CWF19L2: variants seen among roughly 807,000 people sequenced by gnomAD.
CWF19L2 encodes CWF19 like cell cycle control factor 2, also known as CWF19-like protein 2.
CWF19L2 carries 98 observed loss-of-function variants against 111.7 expected under a neutral mutation model. The observed-to-expected ratio is 0.88, with a 90% confidence interval of 0.75 to 1.04. The LOEUF is 1.04. CWF19L2 is among the 50% of genes least tolerant of loss of function. The pLI is 0.00. For missense variants in CWF19L2, 1,101 were observed against 1,051.4 expected, an observed-to-expected ratio of 1.05 and a Z score of -0.65; for synonymous variants, 351 against 342.9, an observed-to-expected ratio of 1.02 and a Z score of -0.26.
chr11:107,335,425 A>G (rs1257930375), intron 15 of CWF19L2, among the ~76,000 whole-genome samples: 1 of 152,230 alleles, frequency 6.6e-6, no homozygotes, highest in East Asian at 1.9e-4. Flanking sequence ...AAATACAGGA[A>G]AAAAAATGTG....
chr11:107,399,309 T>G (rs1194568297), intron 10 of CWF19L2, among the ~76,000 whole-genome samples: 3 of 152,122 alleles, frequency 2.0e-5, no homozygotes, highest in African/African-American at 7.2e-5. Flanking sequence ...CAACCAACTA[T>G]GTGCCACCTT....
intron 10 of CWF19L2, among the ~76,000 whole-genome samples, chr11:107,415,906 T>C (rs1861218268): frequency 6.6e-6 from 1 of 152,044 alleles, no homozygotes; most frequent in Admixed American, 6.6e-5. Context: ...GAGACCAGCC[T>C]GGCCAACATG....
intron 12 of CWF19L2, among the ~76,000 whole-genome samples, chr11:107,383,584 C>G: frequency 6.6e-6 from 1 of 151,986 alleles, no homozygotes; most frequent in Admixed American, 6.5e-5. Flanking sequence ...CATAATTCCC[C>G]TATACAAACA....
intron 6 of CWF19L2, among the ~76,000 whole-genome samples, chr11:107,435,768 C>T (rs1265507128): frequency 6.6e-6 from 1 of 151,902 alleles, no homozygotes; most frequent in East Asian, 1.9e-4. Flanking sequence ...ATAAAAAATA[C>T]CAACTTGCAG....
intron 12 of CWF19L2, among the ~76,000 whole-genome samples, chr11:107,363,480 G>A (rs1860390756): frequency 6.6e-6 from 1 of 151,284 alleles, no homozygotes; most frequent in South Asian, 2.1e-4. Context: ...TCTCTAGGCA[G>A]AAACTCTACA....
At chr11:107,446,805 T>G (rs1167174882) in intron 3 of CWF19L2, among the ~76,000 whole-genome samples, 1 of 152,220 alleles carries the variant, frequency 6.6e-6, no homozygotes, top group East Asian at 1.9e-4. Flanking sequence ...TTCACAATTA[T>G]GCACTCACTC....
In CWF19L2 at chr11:107,433,627, T is replaced by C; in HGVS notation, c.780+7A>G. On this transcript the variant is annotated splice_region_variant and intron_variant, in intron 7 of 17. Coordinates refer to ENST00000282251, the MANE Select transcript of CWF19L2 (RefSeq NM_152434.3). ...ATAAGAGGCATCTCCTTAAAACAGA[T>C]ACTCACCCCATATCTTTCGGCTACA... The C allele has an allele frequency of 2.1e-6, 3 of 1,419,372 alleles. No individual in the cohort carries two copies. In the East Asian group the frequency reaches 7.7e-5, roughly 37 times the overall value. The allele number at this position is 1,419,372 out of a possible 1,614,324, so 87.9% of individuals were successfully genotyped here. A position where few individuals can be genotyped will look rare whatever the true frequency, so the allele number is the denominator to read the frequency against.
At position 107,376,103 on chromosome 11, in the gene CWF19L2, G is replaced by C. The variant is rs1860595304; in HGVS notation, c.1872+13971C>G. 1.5e-5 allele frequency among the ~76,000 whole-genome samples: 2 copies of C among 129,034 alleles called. 1 individual carries two copies. The highest frequency in any genetic ancestry group is 6.5e-5 in the African/African-American group (2 of 30,640). 84.7% of individuals were successfully genotyped at this position (129,034 alleles called of 152,430 possible). The stretch of plus-strand genomic sequence containing the variant: ...TCTGAATAGACCAATAACAGGAGCT[G>C]AAATTGTGGCAATAATCAATAGCTT... On this transcript the variant is annotated intron_variant, in intron 12 of 17. Coordinates refer to ENST00000282251, the MANE Select transcript of CWF19L2 (RefSeq NM_152434.3).
At chr11:107,444,402 C>A (rs1451057075) in intron 3 of CWF19L2, among the ~76,000 whole-genome samples, 1 of 152,142 alleles carries the variant, frequency 6.6e-6, no homozygotes, top group Non-Finnish European at 1.5e-5. Flanking sequence ...GTTGATAACT[C>A]ACTTTCCTGG....
intron 12 of CWF19L2, among the ~76,000 whole-genome samples, chr11:107,356,603 C>A (rs147983593): frequency 4.2e-4 from 64 of 152,200 alleles, no homozygotes; most frequent in African/African-American, 1.5e-3. Context: ...TCATCTAAAC[C>A]ATAATTCATT....
chr11:107,365,603 A>G lies in CWF19L2; in HGVS notation c.1873-11867T>C, dbSNP rs200610467. Among the ~76,000 whole-genome samples the G allele has an allele frequency of 6.7e-3, 653 of 97,172 alleles. 6 individuals are homozygous for G. The highest frequency in any genetic ancestry group is 0.025 in the East Asian group (86 of 3,374). The allele number at this position is 97,172 out of a possible 152,430, so 63.7% of individuals were successfully genotyped here. On this transcript the variant is annotated intron_variant, in intron 12 of 17. Transcript: ENST00000282251. Reference sequence around the variant, plus strand: ...TGATTCTCTCAATAGATGCAGAAAAAGCCTTTGACAAAATTCAACAACGCT... The same window carrying G: ...TGATTCTCTCAATAGATGCAGAAAAGGCCTTTGACAAAATTCAACAACGCT...
At chr11:107,420,811 C>A (rs1207820013) in intron 8 of CWF19L2, among the ~76,000 whole-genome samples, 1 of 152,012 alleles carries the variant, frequency 6.6e-6, no homozygotes, top group South Asian at 2.1e-4. Context: ...TTGCAGAATA[C>A]TGTAATATTT....
At chr11:107,365,260 TACCA>T (rs1180707695) in intron 12 of CWF19L2, among the ~76,000 whole-genome samples, 2 of 145,416 alleles carry the variant, frequency 1.4e-5, no homozygotes, top group African/African-American at 5.2e-5. Context: ...GAGGAACTGG[TACCA>T]TTCCTTCTGA....
chr11:107,346,215 A>T (rs1048671616), intron 14 of CWF19L2, among the ~76,000 whole-genome samples: 2 of 152,232 alleles, frequency 1.3e-5, no homozygotes, highest in Non-Finnish European at 2.9e-5. Context: ...TATTAACGCT[A>T]TGATGTAGTC....
intron 8 of CWF19L2, among the ~76,000 whole-genome samples, chr11:107,426,593 T>C (rs1473343703): frequency 6.6e-6 from 1 of 151,780 alleles, no homozygotes. Context: ...GTGAAAAATA[T>C]TAGGTTATGC....
At chr11:107,447,850 G>T (rs921887049) in intron 3 of CWF19L2, among the ~76,000 whole-genome samples, 1 of 151,912 alleles carries the variant, frequency 6.6e-6, no homozygotes, top group African/African-American at 2.4e-5. Context: ...GAAAAAACAA[G>T]AGAAAATGAA....
At chr11:107,397,298 T>C (rs1229775490) in intron 10 of CWF19L2, among the ~76,000 whole-genome samples, 1 of 152,108 alleles carries the variant, frequency 6.6e-6, no homozygotes, top group Non-Finnish European at 1.5e-5. Flanking sequence ...GCCCTCAGCC[T>C]GGAAACAGAC....
chr11:107,395,747 T>G (rs2134600422), intron 10 of CWF19L2, among the ~76,000 whole-genome samples: 1 of 152,344 alleles, frequency 6.6e-6, no homozygotes, highest in Middle Eastern at 3.4e-3. Flanking sequence ...AAATTGAGAA[T>G]TTAGTCACAG....
intron 10 of CWF19L2, among the ~76,000 whole-genome samples, chr11:107,412,882 G>A (rs1338696980): frequency 6.6e-6 from 1 of 152,182 alleles, no homozygotes; most frequent in Non-Finnish European, 1.5e-5. Flanking sequence ...ACCTGAAAAT[G>A]CTACATACTG....
Sources: gnomAD v4.1 joint callset for allele counts (sites outside exome capture counted in the v4.1 genomes callset) on GRCh38, gnomAD v4.1.1 for gene constraint, MANE v1.5 for transcripts, NCBI Gene and HGNC (gene_info 2026-07-23, HGNC 2026-07-21) for gene names.